Variants in PLA2G7 observed in about 807,000 individuals in gnomAD.
The protein encoded by PLA2G7 is phospholipase A2 group VII.
PLA2G7 carries 63 observed loss-of-function variants against 49.6 expected under a neutral mutation model. That is an observed-to-expected ratio of 1.27 (90% CI 1.04 to 1.57). PLA2G7 has a LOEUF of 1.57. PLA2G7 is among the 40% of genes most tolerant of loss of function. The pLI, the probability that PLA2G7 is intolerant of heterozygous loss-of-function variation, is 0.00. For missense variants in PLA2G7, 596 were observed against 521.2 expected (o/e 1.14, Z -1.40); for synonymous variants, 193 against 169.9 (o/e 1.14, Z -1.06).
chr6:46,734,113 T>A (rs183269901), intron 1 of PLA2G7, among the ~76,000 whole-genome samples: 2 of 152,200 alleles, frequency 1.3e-5, no homozygotes, highest in Admixed American at 6.5e-5. Context: ...CTCCAGGAGA[T>A]GATGAGGAAG....
intron 10 of PLA2G7, among the ~76,000 whole-genome samples, chr6:46,705,654 C>T (rs1188897046): frequency 6.6e-6 from 1 of 152,224 alleles, no homozygotes; most frequent in East Asian, 1.9e-4. Flanking sequence ...GAGCCAGAGC[C>T]TGCTACCTGC....
At chr6:46,706,202 G>C (rs45563731) in intron 10 of PLA2G7, among the ~76,000 whole-genome samples, 2 of 152,256 alleles carry the variant, frequency 1.3e-5, no homozygotes, top group Non-Finnish European at 2.9e-5. Flanking sequence ...TCCCAGTCCT[G>C]CCCAAAGCTG....
At chr6:46,722,414 C>G (rs1229836502) in intron 2 of PLA2G7, among the ~76,000 whole-genome samples, 1 of 152,160 alleles carries the variant, frequency 6.6e-6, no homozygotes, top group Admixed American at 6.6e-5. Context: ...TTGAGGCTGT[C>G]TTGGAGTGGA....
At chr6:46,726,596 T>C (rs925786836) in intron 1 of PLA2G7, among the ~76,000 whole-genome samples, 5 of 152,156 alleles carry the variant, frequency 3.3e-5, no homozygotes, top group Admixed American at 6.5e-5. Flanking sequence ...CATCATCATA[T>C]TGTATGAAAA....
At chr6:46,709,270 A>G in intron 9 of PLA2G7, 57 bp downstream of exon 9, 1 of 976,302 alleles carries the variant, frequency 1.0e-6, no homozygotes, top group South Asian at 1.3e-5. Context: ...TATATCTCAC[A>G]ATATAATTTC....
chr6:46,724,150 T>C (rs1376714031), intron 1 of PLA2G7, among the ~76,000 whole-genome samples: 2 of 152,240 alleles, frequency 1.3e-5, no homozygotes, highest in Non-Finnish European at 2.9e-5. Flanking sequence ...AATTGCAATC[T>C]AACCTCCTTC....
rs1356017581 is a variant in PLA2G7, at chr6:46,711,591, A to G, written c.568T>C (p.Phe190Leu). The G allele has an allele frequency of 3.1e-6, 5 of 1,613,748 alleles. No individual in the cohort carries two copies. The highest frequency in any genetic ancestry group is 4.2e-6 in the Non-Finnish European group (5 of 1,179,684). ...RDRSASATYYFKDQSAAEIGD... is the reference protein window; with the variant it reads ...RDRSASATYYLKDQSAAEIGD... The stretch of plus-strand genomic sequence containing the variant: ...ATTTCTGCAGCAGATTGGTCCTTGA[A>G]ATAGTAAGTTGCAGATGCAGATCTA... Residue 190 changes from phenylalanine to leucine, a missense_variant, in exon 7 of 12, where the codon TTC (phenylalanine) becomes CTC (leucine). Coordinates refer to ENST00000274793, the MANE Select transcript of PLA2G7 (RefSeq NM_005084.4).
intron 9 of PLA2G7, 49 bp from the exon 10 acceptor site, chr6:46,708,210 C>G: frequency 7.2e-7 from 1 of 1,389,674 alleles, no homozygotes; most frequent in Non-Finnish European, 1.0e-6. Context: ...TACATACTAG[C>G]CAACATTGAG....
intron 1 of PLA2G7, among the ~76,000 whole-genome samples, chr6:46,727,914 C>T (rs1434165370): frequency 6.6e-6 from 1 of 152,118 alleles, no homozygotes; most frequent in East Asian, 1.9e-4. Flanking sequence ...GTTATTTTAG[C>T]CTAGTAAGGC....
intron 4 of PLA2G7, among the ~76,000 whole-genome samples, chr6:46,716,064 C>A (rs1305197619): frequency 6.6e-6 from 1 of 152,102 alleles, no homozygotes; most frequent in Admixed American, 6.6e-5. Flanking sequence ...GGGATAGTGG[C>A]CACACCAAAT....
intron 10 of PLA2G7, among the ~76,000 whole-genome samples, chr6:46,706,062 AATCTC>A (rs1562066654): frequency 6.6e-6 from 1 of 152,154 alleles, no homozygotes; most frequent in African/African-American, 2.4e-5. Flanking sequence ...CTCACTTTGC[AATCTC>A]TTCTACTTCA....
intron 8 of PLA2G7, 77 bp from the exon 9 acceptor site, chr6:46,709,495 G>T: frequency 1.2e-6 from 1 of 839,930 alleles, no homozygotes; most frequent in Non-Finnish European, 2.1e-6. Context: ...TCATATAATT[G>T]TTCATTTCAT....
At chr6:46,709,166 T>G (rs1479843418) in intron 9 of PLA2G7, among the ~76,000 whole-genome samples, 161 bp downstream of exon 9, 1 of 152,144 alleles carries the variant, frequency 6.6e-6, no homozygotes, top group East Asian at 1.9e-4. Context: ...TGTTTTAGCC[T>G]AGGAAAATGT....
At chr6:46,708,182 T>TATATATATA in intron 9 of PLA2G7, 21 bp from the exon 10 acceptor site, 1 of 1,594,506 alleles carries the variant, frequency 6.3e-7, no homozygotes, top group Non-Finnish European at 8.6e-7. Context: ...TTGTTGACAA[T>TATATATATA]GATGAAATTA....
At chr6:46,728,617 T>C (rs950308572) in intron 1 of PLA2G7, among the ~76,000 whole-genome samples, 1 of 152,188 alleles carries the variant, frequency 6.6e-6, no homozygotes, top group African/African-American at 2.4e-5. Flanking sequence ...GTCCAAATGT[T>C]TGGTGTTCTA....
rs765372895 is a variant in PLA2G7, at chr6:46,705,128, G to A, written c.1189+25C>T. On this transcript the variant is annotated intron_variant, in intron 11 of 11. Transcript: ENST00000274793. ...TTTGTCCTGAGATTCATCTGGTTTA[G>A]GTCATGAAAAAAATAGTTTCTTACC... 17 of 1,553,792 alleles carry A rather than the reference G, an allele frequency of 1.1e-5. No homozygotes were observed. The East Asian group carries it at 3.8e-4, about 35-fold the overall frequency.
Position 46,708,126 on chromosome 6 carries a change from A to C in PLA2G7, c.905T>G (p.Leu302Arg). The C allele has an allele frequency of 6.2e-7, 1 of 1,612,670 alleles. No homozygotes were observed. The highest frequency in any genetic ancestry group is 8.5e-7 in the Non-Finnish European group (1 of 1,178,796). ...AATTCTGGAATATACTTCATCACCC[A>C]GTGGAAACATCCATGCATCCAGGGC... ...GIALDAWMFP[L>R]GDEVYSRIPQ... Residue 302 changes from leucine (L) to arginine (R), a missense_variant, in exon 10 of 12, where the codon CTG (leucine) becomes CGG (arginine). Transcript: ENST00000274793.
Position 46,704,363 on chromosome 6 carries a change from T to G in PLA2G7, c.*197A>C. The G allele has an allele frequency of 1.7e-6, 1 of 573,182 alleles. No homozygotes were observed. The highest frequency in any genetic ancestry group is 2.1e-5 in the South Asian group (1 of 47,624). 35.5% of individuals were successfully genotyped at this position (573,182 alleles called of 1,614,324 possible). On this transcript the variant is annotated 3_prime_UTR_variant, in exon 12 of 12. Transcript: ENST00000274793. Reference sequence around the variant, plus strand: ...TTCTTTACATCTAAAGGGAAAAAATTCTTAGTCCAAGCTTCAATCACGATT... The same window carrying G: ...TTCTTTACATCTAAAGGGAAAAAATGCTTAGTCCAAGCTTCAATCACGATT...
rs539171227 is a variant in PLA2G7 at position 46,729,831 on chromosome 6, C to T, written c.-35+5349G>A. On this transcript the variant is annotated intron_variant, in intron 1 of 11. Transcript: ENST00000274793. Reference sequence around the variant, plus strand: ...CGTCTCCAGACATTGCCAGATGTCCCCTGGAGTGGGGGCATAAATCATCCT... The same window carrying T: ...CGTCTCCAGACATTGCCAGATGTCCTCTGGAGTGGGGGCATAAATCATCCT... Among the ~76,000 whole-genome samples, 9 of 152,310 alleles carry T rather than the reference C, an allele frequency of 5.9e-5. No homozygotes were observed. The South Asian group carries it at 1.4e-3, about 25-fold the overall frequency.
Sources: allele counts gnomAD v4.1 joint callset (sites outside exome capture counted in the v4.1 genomes callset), GRCh38; gene constraint gnomAD v4.1.1; transcripts MANE v1.5; gene names NCBI Gene and HGNC (gene_info 2026-07-23, HGNC 2026-07-21).